UGT1A4: variants seen among roughly 807,000 people sequenced by gnomAD.
UGT1A4 encodes the protein UDP glucuronosyltransferase family 1 member A4, also known as UDP-glucuronosyltransferase 1A4.
A neutral mutation model predicts 41.1 loss-of-function variants in UGT1A4; 32 were observed. The observed-to-expected ratio is 0.78, with a 90% CI of 0.59 to 1.05. The LOEUF is 1.05. UGT1A4 is among the 50% of genes least tolerant of loss of function. UGT1A4 has a pLI of 0.00. For synonymous variants in UGT1A4, 283 were observed against 265.1 expected (o/e 1.07, Z -0.66); for missense variants, 748 against 677.4 (o/e 1.10, Z -1.16).
rs190427553 is a variant in UGT1A4 at position 233,772,475 on chromosome 2, C to A, written c.1521C>A (p.Thr507=). 148 of 1,614,134 alleles carry A rather than the reference C, an allele frequency of 9.2e-5. No homozygotes were observed. Among genetic ancestry groups the A allele is most frequent in the Non-Finnish European group, 1.2e-4 (140 of 1,180,034 alleles). ...LAVVLTVAFI[T]FKCCAYGYRK... is the part of the protein sequence containing the mutation. ...TCGTGCTGACAGTGGCCTTCATCAC[C>A]TTTAAATGTTGTGCTTATGGCTACC... The change falls in exon 5 of 5, where the codon ACC becomes ACA. Residue 507 remains threonine, a synonymous_variant. Coordinates refer to ENST00000373409, the MANE Select transcript of UGT1A4 (RefSeq NM_007120.3).
intron 1 of UGT1A4, chr2:233,761,033 G>A (rs774774935): frequency 1.2e-6 from 2 of 1,614,186 alleles, no homozygotes; most frequent in Non-Finnish European, 1.7e-6. Context: ...GACCTATTGA[G>A]CTCTGCATCT....
intron 1 of UGT1A4, among the ~76,000 whole-genome samples, chr2:233,752,866 C>G (rs1227879768): frequency 6.6e-6 from 1 of 152,186 alleles, no homozygotes; most frequent in Non-Finnish European, 1.5e-5. Context: ...TTTGTGTTAG[C>G]TTTCAACTGT....
At chr2:233,731,784 G>A (rs186887277) in intron 1 of UGT1A4, among the ~76,000 whole-genome samples, 133 of 152,162 alleles carry the variant, frequency 8.7e-4, no homozygotes, top group Non-Finnish European at 1.4e-3. Flanking sequence ...ATTTATAATC[G>A]TTTGGGTATA....
chr2:233,738,642 C>A (rs182421853), intron 1 of UGT1A4, among the ~76,000 whole-genome samples: 1 of 152,330 alleles, frequency 6.6e-6, no homozygotes, highest in East Asian at 1.9e-4. Context: ...TGCCCTAGAG[C>A]TCTTTGGAAC....
At chr2:233,747,772 G>T in intron 1 of UGT1A4, 1 of 1,613,482 alleles carries the variant, frequency 6.2e-7, no homozygotes, top group Non-Finnish European at 8.5e-7. Flanking sequence ...GGCACACAGT[G>T]TCCAAATCCT....
In UGT1A4 at chr2:233,749,593, A is replaced by G. The variant is rs751828786; in HGVS notation, c.868-17441A>G. Among the ~76,000 whole-genome samples the G allele has an allele frequency of 2.6e-5, 4 of 151,948 alleles. No individual in the cohort carries two copies. In the South Asian group the frequency reaches 8.3e-4, roughly 32 times the overall value. On this transcript the variant is annotated intron_variant, in intron 1 of 4. Coordinates refer to ENST00000373409, the MANE Select transcript of UGT1A4 (RefSeq NM_007120.3). ...GGCCACTGACTCTGTCTCAACATGA[A>G]GTCACACTAGATTTATCATGATTTG... is the stretch of plus-strand genomic sequence containing the variant.
intron 1 of UGT1A4, among the ~76,000 whole-genome samples, chr2:233,742,133 C>T (rs1691882264): frequency 6.6e-6 from 1 of 151,894 alleles, no homozygotes; most frequent in African/African-American, 2.4e-5. Context: ...GAGACCCTAA[C>T]CCAGCAGCGC....
intron 1 of UGT1A4, chr2:233,747,525 C>A: frequency 6.2e-7 from 1 of 1,605,956 alleles, no homozygotes; most frequent in Non-Finnish European, 8.5e-7. Flanking sequence ...TGAAACAGAA[C>A]ATTTTCTGAA....
At chr2:233,755,161 C>CG in intron 1 of UGT1A4, 1 of 1,292,236 alleles carries the variant, frequency 7.7e-7, no homozygotes, top group Non-Finnish European at 1.0e-6. Context: ...TCCCTGTCCT[C>CG]GGGGTTTTTG....
intron 1 of UGT1A4, chr2:233,750,801 G>A (rs763545505): frequency 6.6e-6 from 1 of 151,910 alleles, no homozygotes; most frequent in Non-Finnish European, 1.5e-5. Flanking sequence ...AAGAATTTAG[G>A]TTTGGGAACC....
intron 1 of UGT1A4, among the ~76,000 whole-genome samples, chr2:233,736,818 G>A (rs761920295): frequency 6.6e-6 from 1 of 152,210 alleles, no homozygotes; most frequent in Non-Finnish European, 1.5e-5. Flanking sequence ...GTCCACTCCA[G>A]ATGCTCTTTG....
chr2:233,739,265 T>C (rs749101347), intron 1 of UGT1A4, among the ~76,000 whole-genome samples: 1 of 152,088 alleles, frequency 6.6e-6, no homozygotes, highest in Non-Finnish European at 1.5e-5. Flanking sequence ...AAATGTGAGG[T>C]TGGAGCCCCC....
intron 1 of UGT1A4, chr2:233,729,291 C>A (rs370316255): frequency 1.9e-5 from 30 of 1,614,090 alleles, no homozygotes; most frequent in African/African-American, 2.7e-5. Context: ...ATGCCAGAGG[C>A]CACCAGGCAG....
chr2:233,767,623 T>C (rs188657722), intron 2 of UGT1A4, among the ~76,000 whole-genome samples: 5 of 152,322 alleles, frequency 3.3e-5, no homozygotes, highest in African/African-American at 1.2e-4. Flanking sequence ...GTGCACAGCT[T>C]GATAAATTAT....
intron 1 of UGT1A4, among the ~76,000 whole-genome samples, chr2:233,730,262 T>G (rs2078006509): frequency 6.6e-6 from 1 of 152,108 alleles, no homozygotes; most frequent in South Asian, 2.1e-4. Context: ...TAGAGACTGT[T>G]GGTTTGTAAA....
chr2:233,755,835 G>A (rs1438571974), intron 1 of UGT1A4: 4 of 152,284 alleles, frequency 2.6e-5, no homozygotes, highest in Non-Finnish European at 5.9e-5. Context: ...TATTCATTGG[G>A]CAATTTAAGA....
chr2:233,725,142 G>A (rs181617719), intron 1 of UGT1A4, among the ~76,000 whole-genome samples: 1 of 130,406 alleles, frequency 7.7e-6, no homozygotes, highest in Non-Finnish European at 1.6e-5. Flanking sequence ...CAGCAGTACA[G>A]TCCAGCTTCG....
chr2:233,756,820 AG>A, intron 1 of UGT1A4, among the ~76,000 whole-genome samples: 1 of 152,190 alleles, frequency 6.6e-6, no homozygotes, highest in African/African-American at 2.4e-5. Context: ...CTCAATTCCA[AG>A]GGGAAAATGA....
chr2:233,754,416 A>G, intron 1 of UGT1A4: 1 of 342,596 alleles, frequency 2.9e-6, no homozygotes, highest in South Asian at 2.4e-5. Flanking sequence ...AACAATAAAG[A>G]CAGGCATTGG....
Sources: gnomAD v4.1 joint callset for allele counts (sites outside exome capture counted in the v4.1 genomes callset) on GRCh38, gnomAD v4.1.1 for gene constraint, MANE v1.5 for transcripts, NCBI Gene and HGNC (gene_info 2026-07-23, HGNC 2026-07-21) for gene names.